Variants in HPSE2 observed in about 807,000 individuals in gnomAD.
The protein encoded by HPSE2 is inactive heparanase-2.
In HPSE2, 38 loss-of-function variants were observed where a neutral mutation model predicts 60.5. The ratio of observed to expected loss-of-function variants is 0.63; its 90% CI spans 0.48 to 0.82. The LOEUF (loss-of-function observed/expected upper bound fraction) is 0.82, where lower values mean the gene tolerates loss of function less well. HPSE2 is among the 40% of genes least tolerant of loss of function. The pLI is 0.00. For missense variants in HPSE2, 713 were observed against 740.4 expected, an observed-to-expected ratio of 0.96 and a Z score of 0.43; for synonymous variants, 295 against 293.2, an observed-to-expected ratio of 1.01 and a Z score of -0.06.
intron 3 of HPSE2, among the ~76,000 whole-genome samples, chr10:98,891,475 ATC>A (rs1953334011): frequency 1.3e-5 from 2 of 152,190 alleles, no homozygotes; most frequent in Admixed American, 1.3e-4. Flanking sequence ...TAGAGACAGT[ATC>A]TCTCTGTGTG....
At chr10:98,732,695 G>GA (rs1270459380) in intron 4 of HPSE2, among the ~76,000 whole-genome samples, 2 of 151,792 alleles carry the variant, frequency 1.3e-5, no homozygotes, top group Admixed American at 1.3e-4. Context: ...GAAAATATAG[G>GA]AAAAAACTCC....
chr10:99,043,336 T>C (rs997623529), intron 3 of HPSE2, among the ~76,000 whole-genome samples: 1 of 151,942 alleles, frequency 6.6e-6, no homozygotes, highest in Non-Finnish European at 1.5e-5. Context: ...TACAAAAAAT[T>C]AGCTGGGCGT....
At chr10:98,800,440 TATA>T (rs1252968759) in intron 3 of HPSE2, among the ~76,000 whole-genome samples, 3 of 147,650 alleles carry the variant, frequency 2.0e-5, no homozygotes, top group Non-Finnish European at 4.5e-5. Context: ...TAAAATATAT[TATA>T]ATTTTATATA....
chr10:99,307,394 A>G, the HPSE2 span, among the ~76,000 whole-genome samples: 4 of 152,164 alleles, frequency 2.6e-5, no homozygotes, highest in East Asian at 1.9e-4. Flanking sequence ...GTGCACCTCA[A>G]TCAGATGGTA....
chr10:99,058,508 C>A (rs1286448411), intron 3 of HPSE2, among the ~76,000 whole-genome samples: 1 of 152,098 alleles, frequency 6.6e-6, no homozygotes, highest in Non-Finnish European at 1.5e-5. Context: ...GGATCTGATC[C>A]AAATTTCCCA....
chr10:98,829,895 G>A (rs1951643591), intron 3 of HPSE2, among the ~76,000 whole-genome samples: 1 of 151,688 alleles, frequency 6.6e-6, no homozygotes, highest in African/African-American at 2.4e-5. Flanking sequence ...AAAACAACAG[G>A]ATACATGTGC....
chr10:98,893,029 A>G (rs1024497771), intron 3 of HPSE2, among the ~76,000 whole-genome samples: 8 of 151,942 alleles, frequency 5.3e-5, no homozygotes, highest in African/African-American at 1.9e-4. Flanking sequence ...ATCATTATCA[A>G]TTTCATTTAT....
At chr10:98,550,310 G>A (rs1418697358) in intron 9 of HPSE2, among the ~76,000 whole-genome samples, 3 of 151,196 alleles carry the variant, frequency 2.0e-5, no homozygotes, top group Non-Finnish European at 4.4e-5. Context: ...TTTCGAGATG[G>A]GTTCTCTCTC....
At chr10:99,193,294 A>C (rs1848283954) in intron 2 of HPSE2, among the ~76,000 whole-genome samples, 2 of 152,160 alleles carry the variant, frequency 1.3e-5, no homozygotes, top group Non-Finnish European at 2.9e-5. Context: ...AAAAATAAAA[A>C]GTGAGAAACT....
chr10:99,196,448 A>G (rs1422511234), intron 2 of HPSE2, among the ~76,000 whole-genome samples: 2 of 152,204 alleles, frequency 1.3e-5, no homozygotes, highest in Non-Finnish European at 2.9e-5. Flanking sequence ...AAACATTTAC[A>G]AACTACGCAT....
chr10:98,475,118 C>T (rs1591232719), intron 11 of HPSE2, among the ~76,000 whole-genome samples: 1 of 121,598 alleles, frequency 8.2e-6, no homozygotes, highest in Non-Finnish European at 1.7e-5. Flanking sequence ...GACCACAATT[C>T]TATTTTTTTT....
intron 3 of HPSE2, among the ~76,000 whole-genome samples, chr10:98,870,431 C>T (rs1379721190): frequency 1.3e-5 from 2 of 152,094 alleles, no homozygotes; most frequent in East Asian, 1.9e-4. Flanking sequence ...ACAGGGAAAG[C>T]AGGTAAAAAT....
At chr10:99,143,442 A>G (rs1169110645) in intron 3 of HPSE2, among the ~76,000 whole-genome samples, 1 of 152,128 alleles carries the variant, frequency 6.6e-6, no homozygotes, top group Non-Finnish European at 1.5e-5. Flanking sequence ...TTATTTTTTT[A>G]ATATTCATAA....
intron 3 of HPSE2, among the ~76,000 whole-genome samples, chr10:99,094,073 C>G (rs1201530687): frequency 6.6e-6 from 1 of 152,072 alleles, no homozygotes; most frequent in African/African-American, 2.4e-5. Flanking sequence ...CTCTATTTCA[C>G]AGTTTCTAAT....
At chr10:99,070,602 A>C (rs1027291314) in intron 3 of HPSE2, among the ~76,000 whole-genome samples, 3 of 152,194 alleles carry the variant, frequency 2.0e-5, no homozygotes, top group Non-Finnish European at 4.4e-5. Flanking sequence ...AGATGCCTAG[A>C]ACTTATTCAT....
intron 6 of HPSE2, among the ~76,000 whole-genome samples, chr10:98,669,841 C>T (rs375669239): frequency 4.7e-4 from 72 of 152,156 alleles, no homozygotes; most frequent in Middle Eastern, 3.4e-3. Context: ...ACATAATACA[C>T]CCATGTAACA....
chr10:99,029,483 G>C (rs987980504), intron 3 of HPSE2, among the ~76,000 whole-genome samples: 1 of 152,170 alleles, frequency 6.6e-6, no homozygotes, highest in Non-Finnish European at 1.5e-5. Context: ...TTATTTATTG[G>C]ATACAAAGCA....
intron 3 of HPSE2, among the ~76,000 whole-genome samples, chr10:99,078,909 C>T (rs1482575893): frequency 6.6e-6 from 1 of 152,140 alleles, no homozygotes; most frequent in Non-Finnish European, 1.5e-5. Context: ...TGCTCTTAGC[C>T]ACCCTTAGGC....
At chr10:99,055,235 G>A (rs1359092350) in intron 3 of HPSE2, among the ~76,000 whole-genome samples, 1 of 152,050 alleles carries the variant, frequency 6.6e-6, no homozygotes, top group African/African-American at 2.4e-5. Context: ...AATATGTAAA[G>A]AATTAAAGGA....
Sources: allele counts gnomAD v4.1 joint callset (sites outside exome capture counted in the v4.1 genomes callset), GRCh38; gene constraint gnomAD v4.1.1; transcripts MANE v1.5; gene names NCBI Gene and HGNC (gene_info 2026-07-23, HGNC 2026-07-21).